The following TMEM123 variants were observed in gnomAD, a reference collection of about 807,000 sequenced individuals.
The protein encoded by TMEM123 is porimin.
In TMEM123, 16 loss-of-function variants were observed where a neutral mutation model predicts 19.7. The observed-to-expected ratio is 0.81, with a 90% CI of 0.55 to 1.23. The LOEUF (loss-of-function observed/expected upper bound fraction) is 1.23. TMEM123 is among the 50% of genes most tolerant of loss of function. The pLI is 0.00. For synonymous variants in TMEM123, 118 were observed against 99.4 expected, an observed-to-expected ratio of 1.19 and a Z score of -1.12; for missense variants, 313 against 257.8, an observed-to-expected ratio of 1.21 and a Z score of -1.47.
intron 2 of TMEM123, among the ~76,000 whole-genome samples, chr11:102,406,045 C>T (rs997040091): frequency 9.9e-5 from 15 of 152,180 alleles, no homozygotes; most frequent in African/African-American, 3.6e-4. Context: ...GTCTTCTTCC[C>T]TCTCCCTTAA....
chr11:102,415,132 A>C (rs980172212), intron 2 of TMEM123, among the ~76,000 whole-genome samples: 1 of 152,218 alleles, frequency 6.6e-6, no homozygotes, highest in African/African-American at 2.4e-5. Flanking sequence ...TCAACAAGAC[A>C]ACTTAACTAT....
At chr11:102,434,674 GTTT>G (rs1857744957) in intron 2 of TMEM123, among the ~76,000 whole-genome samples, 1 of 151,804 alleles carries the variant, frequency 6.6e-6, no homozygotes, top group Non-Finnish European at 1.5e-5. Flanking sequence ...ATGTTGTGTA[GTTT>G]TTCCTATTTT....
chr11:102,424,647 C>T (rs1952111462), intron 2 of TMEM123, among the ~76,000 whole-genome samples: 1 of 152,038 alleles, frequency 6.6e-6, no homozygotes, highest in South Asian at 2.1e-4. Context: ...AAAGACTGCA[C>T]CACTGCACTC....
At chr11:102,419,483 G>C (rs1952067095) in intron 2 of TMEM123, among the ~76,000 whole-genome samples, 1 of 152,200 alleles carries the variant, frequency 6.6e-6, no homozygotes, top group African/African-American at 2.4e-5. Flanking sequence ...AAGAGAACTA[G>C]AAAGTCTCCT....
chr11:102,448,048 G>A (rs973795574), intron 2 of TMEM123, among the ~76,000 whole-genome samples: 1 of 152,152 alleles, frequency 6.6e-6, no homozygotes, highest in African/African-American at 2.4e-5. Context: ...TTAAGGCTTG[G>A]TCCATTTTGT....
chr11:102,437,456 TC>T (rs1450146258), intron 2 of TMEM123, among the ~76,000 whole-genome samples: 45 of 127,762 alleles, frequency 3.5e-4, no homozygotes, highest in Admixed American at 5.5e-4. Context: ...AGACTCTATC[TC>T]AAAAAAAAAA....
chr11:102,431,804 G>C (rs548290044), intron 2 of TMEM123, among the ~76,000 whole-genome samples: 1 of 152,134 alleles, frequency 6.6e-6, no homozygotes, highest in Non-Finnish European at 1.5e-5. Context: ...GCAGTGACCC[G>C]GTGGTAGGTA....
intron 2 of TMEM123, chr11:102,448,197 G>A (rs1228009573): frequency 8.8e-6 from 4 of 455,580 alleles, no homozygotes; most frequent in Non-Finnish European, 1.8e-5. Flanking sequence ...ATTAAGGGCA[G>A]TGAGAAGATA....
intron 2 of TMEM123, among the ~76,000 whole-genome samples, chr11:102,425,768 G>T (rs1489558468): frequency 6.6e-6 from 1 of 151,394 alleles, no homozygotes; most frequent in African/African-American, 2.4e-5. Context: ...ATTTTTTGTG[G>T]AGACAGGTTT....
At chr11:102,443,908 CAAAA>C (rs931275218) in intron 2 of TMEM123, among the ~76,000 whole-genome samples, 7 of 152,074 alleles carry the variant, frequency 4.6e-5, no homozygotes, top group Non-Finnish European at 1.0e-4. Flanking sequence ...AGACACTTCT[CAAAA>C]GACATTTAGG....
chr11:102,409,367 T>A (rs1951982733), intron 2 of TMEM123, among the ~76,000 whole-genome samples: 1 of 152,152 alleles, frequency 6.6e-6, no homozygotes, highest in African/African-American at 2.4e-5. Context: ...CTTGAGAATC[T>A]CTTTCCTATA....
At chr11:102,428,274 C>T (rs770647122) in intron 2 of TMEM123, among the ~76,000 whole-genome samples, 2 of 151,932 alleles carry the variant, frequency 1.3e-5, no homozygotes, top group Non-Finnish European at 2.9e-5. Context: ...TAATCTTAAC[C>T]TATATTCTTC....
intron 2 of TMEM123, among the ~76,000 whole-genome samples, chr11:102,435,903 G>T (rs1050348011): frequency 6.6e-6 from 1 of 151,808 alleles, no homozygotes; most frequent in African/African-American, 2.4e-5. Context: ...TAAATAAAGA[G>T]CACAGGGTTT....
At chr11:102,425,198 G>C (rs990657125) in intron 2 of TMEM123, among the ~76,000 whole-genome samples, 20 of 152,164 alleles carry the variant, frequency 1.3e-4, no homozygotes, top group African/African-American at 4.8e-4. Flanking sequence ...CTTCTGTGTA[G>C]CTCTTTTTTC....
At chr11:102,421,085 A>C (rs193247019) in intron 2 of TMEM123, among the ~76,000 whole-genome samples, 1 of 152,274 alleles carries the variant, frequency 6.6e-6, no homozygotes, top group Admixed American at 6.5e-5. Flanking sequence ...GGATAAACAG[A>C]CTTTAGGCAG....
intron 2 of TMEM123, among the ~76,000 whole-genome samples, chr11:102,408,322 C>A (rs560328441): frequency 8.1e-4 from 123 of 152,302 alleles, no homozygotes; most frequent in Non-Finnish European, 1.6e-3. Flanking sequence ...CCAATCAGTT[C>A]TTCATTCCTG....
intron 2 of TMEM123, among the ~76,000 whole-genome samples, chr11:102,434,219 A>T (rs902571174): frequency 2.0e-5 from 3 of 151,826 alleles, no homozygotes; most frequent in Non-Finnish European, 4.4e-5. Context: ...ACAGTGTACA[A>T]GGGTCCCCCT....
intron 2 of TMEM123, among the ~76,000 whole-genome samples, chr11:102,416,077 G>A (rs1346117967): frequency 6.6e-6 from 1 of 152,030 alleles, no homozygotes; most frequent in African/African-American, 2.4e-5. Context: ...ACCACACCCA[G>A]CTAATTTTTG....
chr11:102,396,907 G>A lies in TMEM123; in HGVS notation c.*1960C>T, dbSNP rs146156087. The A allele has an allele frequency of 1.5e-4, 23 of 152,252 alleles. No homozygotes were observed. The highest frequency in any genetic ancestry group is 4.8e-4 in the African/African-American group (20 of 41,542). 9.4% of individuals were successfully genotyped at this position (152,252 alleles called of 1,614,324 possible). ...AGTATTCAAAAAGAAACTTCAGGTCGGTCTACGAAGTTCTGACTGACTTGA... is the reference window on the plus strand; with the variant it reads ...AGTATTCAAAAAGAAACTTCAGGTCAGTCTACGAAGTTCTGACTGACTTGA... On this transcript the variant is annotated 3_prime_UTR_variant, in exon 5 of 5. Transcript: ENST00000398136.
Sources: gnomAD v4.1 joint callset for allele counts (sites outside exome capture counted in the v4.1 genomes callset) on GRCh38, gnomAD v4.1.1 for gene constraint, MANE v1.5 for transcripts, NCBI Gene and HGNC (gene_info 2026-07-23, HGNC 2026-07-21) for gene names.